Variants in NLRP4 observed in about 807,000 individuals in gnomAD.
NLRP4 encodes NLR family pyrin domain containing 4.
A neutral mutation model predicts 84.7 loss-of-function variants in NLRP4; 44 were observed. The observed-to-expected ratio is 0.52, with a 90% CI of 0.41 to 0.67. The LOEUF (loss-of-function observed/expected upper bound fraction) is 0.67, where lower values mean the gene tolerates loss of function less well. Ranked by LOEUF, NLRP4 falls within the 30% of genes least tolerant of loss-of-function variation. NLRP4 has a pLI of 0.00. For synonymous variants in NLRP4, 544 were observed against 476.4 expected, an observed-to-expected ratio of 1.14 and a Z score of -1.85; for missense variants, 1,260 against 1,219.4, an observed-to-expected ratio of 1.03 and a Z score of -0.50.
intron 5 of NLRP4, among the ~76,000 whole-genome samples, chr19:55,866,125 C>T (rs574850346): frequency 6.6e-6 from 1 of 152,146 alleles, no homozygotes; most frequent in Non-Finnish European, 1.5e-5. Flanking sequence ...CCTCCGCCTC[C>T]TGGGTTCAAG....
Position 55,870,773 on chromosome 19 carries a change from C to T in NLRP4, c.2355-54C>T, listed in dbSNP as rs184284582. On this transcript the variant is annotated intron_variant, in intron 6 of 9. Transcript: ENST00000301295. ...CCTGAATGTGAAATTAAGCAAATCT[C>T]CCTGAGACACCACGTCCCTCTTCAC... 2.9e-3 allele frequency: 3,829 copies of T among 1,314,564 alleles called. 2 individuals are homozygous for T. The highest frequency in any genetic ancestry group is 3.9e-3 in the Non-Finnish European group (3,545 of 913,178). 81.4% of individuals were successfully genotyped at this position (1,314,564 alleles called of 1,614,324 possible).
rs1985017438 is a variant in NLRP4, at chr19:55,867,768, A to C, written c.2246A>C (p.Asn749Thr). Residue 749 changes from asparagine (N) to threonine (T), a missense_variant, in exon 6 of 10, where the codon AAC becomes ACC. Coordinates refer to ENST00000301295, the MANE Select transcript of NLRP4 (RefSeq NM_134444.5). ...DCEVLAGLLT[N>T]NKKLTYLNVS... The stretch of plus-strand genomic sequence containing the variant: ...GAAGTCCTTGCTGGCCTTCTAACCA[A>C]CAACAAGAAGCTGACGTATCTGAAT... 1 of 1,614,024 alleles carries C rather than the reference A, an allele frequency of 6.2e-7. No individual in the cohort carries two copies. The highest frequency in any genetic ancestry group is 1.1e-5 in the South Asian group (1 of 91,088).
At position 55,878,870 on chromosome 19, in the gene NLRP4, C is replaced by T. The variant is rs755703519; in HGVS notation, c.2773C>T (p.Gln925Ter). The change falls in exon 9 of 10, where the codon CAG becomes TAG. Residue 925 changes from glutamine (Q) to a stop codon, truncating the protein, a stop_gained. Coordinates refer to ENST00000301295, the MANE Select transcript of NLRP4 (RefSeq NM_134444.5). LOFTEE classifies it high-confidence loss of function. ...SVLTCSKTLQQLNLTLNTLDH... is the reference protein window; with the variant it reads ...SVLTCSKTLQ The stretch of plus-strand genomic sequence containing the variant: ...TCTCACCTGCAGTAAGACCCTGCAG[C>T]AGCTCAACCTGACCTTGAACACCTT... 6 of 1,613,636 alleles carry T rather than the reference C, an allele frequency of 3.7e-6. No individual in the cohort carries two copies. In the South Asian group the frequency reaches 4.4e-5, roughly 12 times the overall value.
At position 55,881,749 on chromosome 19, in the gene NLRP4, T is replaced by C. The variant is rs1985602020; in HGVS notation, c.*162T>C. ...TTTGATATGATACACGTGGTTTTTA[T>C]GTGCTCTGTGGCCTTGGATGAGTCA... On this transcript the variant is annotated 3_prime_UTR_variant, in exon 10 of 10. Coordinates refer to ENST00000301295, the MANE Select transcript of NLRP4 (RefSeq NM_134444.5). The C allele has an allele frequency of 2.1e-6, 1 of 481,762 alleles. No individual in the cohort carries two copies. The highest frequency in any genetic ancestry group is 3.7e-5 in the South Asian group (1 of 27,170). 29.8% of individuals were successfully genotyped at this position (481,762 alleles called of 1,614,324 possible).
chr19:55,845,633 A>G (rs1983763953), intron 1 of NLRP4, among the ~76,000 whole-genome samples: 1 of 151,922 alleles, frequency 6.6e-6, no homozygotes, highest in Non-Finnish European at 1.5e-5. Flanking sequence ...ACTAGTTTAC[A>G]GTCCCACCAA....
At chr19:55,857,217 C>T (rs568734239) in intron 2 of NLRP4, among the ~76,000 whole-genome samples, 2 of 152,050 alleles carry the variant, frequency 1.3e-5, no homozygotes, top group South Asian at 4.2e-4. Context: ...GTGTATGTGT[C>T]TATTGAAAGC....
rs966920814 is a variant in NLRP4 at position 55,836,905 on chromosome 19, G to A, written c.-95G>A. 4 of 151,814 alleles carry A rather than the reference G, an allele frequency of 2.6e-5. No individual in the cohort carries two copies. The highest frequency in any genetic ancestry group is 9.7e-5 in the African/African-American group (4 of 41,258). 9.4% of individuals were successfully genotyped at this position (151,814 alleles called of 1,614,324 possible). A position where few individuals can be genotyped will look rare whatever the true frequency, so the allele number is the denominator to read the frequency against. ...CATCTCTGTTGACACAAACATGTAG[G>A]AGAAGCTGGAGAACATAGACAGGGA... On this transcript the variant is annotated 5_prime_UTR_variant, in exon 1 of 10. Transcript: ENST00000301295.
intron 2 of NLRP4, chr19:55,857,398 A>C: frequency 2.1e-6 from 1 of 475,208 alleles, no homozygotes. Context: ...TGTGTAGAGG[A>C]CCATATGGTT....
At chr19:55,849,192 A>C (rs1983921035) in intron 1 of NLRP4, among the ~76,000 whole-genome samples, 1 of 152,184 alleles carries the variant, frequency 6.6e-6, no homozygotes, top group Admixed American at 6.5e-5. Flanking sequence ...TTCTTGCTAA[A>C]GTTGTTACAG....
At chr19:55,838,619 G>A (rs941609892) in intron 1 of NLRP4, among the ~76,000 whole-genome samples, 1 of 152,074 alleles carries the variant, frequency 6.6e-6, no homozygotes, top group African/African-American at 2.4e-5. Context: ...TTTACACTTA[G>A]AGAACAGCTT....
Position 55,877,065 on chromosome 19 carries a change from C to G in NLRP4, c.2595C>G (p.Asn865Lys). ...DLASALISNQ[N>K]LKILQIGCNE... is the part of the protein sequence containing the mutation. ...CCTCTGCTCTCATCAGCAATCAAAA[C>G]CTGAAGATTCTGCAAATTGGGTGCA... Residue 865 changes from asparagine (N) to lysine (K), a missense_variant, in exon 8 of 10, where the codon AAC (asparagine) becomes AAG (lysine). Asn to Lys is a moderately conservative substitution (Grantham distance 94, BLOSUM62 0). Coordinates refer to ENST00000301295, the MANE Select transcript of NLRP4 (RefSeq NM_134444.5). The G allele has an allele frequency of 6.2e-7, 1 of 1,614,034 alleles. No homozygotes were observed. Among genetic ancestry groups the G allele is most frequent in the Non-Finnish European group, 8.5e-7 (1 of 1,179,974 alleles).
intron 6 of NLRP4, among the ~76,000 whole-genome samples, chr19:55,869,144 G>T (rs302434): frequency 1.3e-5 from 2 of 151,878 alleles, no homozygotes; most frequent in African/African-American, 4.8e-5. Context: ...GGGGAACCCA[G>T]ATGGAAGTTG....
Position 55,862,094 on chromosome 19 carries a change from T to C in NLRP4, c.2121T>C (p.Ser707=), listed in dbSNP as rs1488447820. The change falls in exon 5 of 10, where the codon TCT becomes TCC. Residue 707 remains serine, a synonymous_variant. Transcript: ENST00000301295. ...TGAGCTTCACCCTCACGAAACTCTCTCGTGATGACATCAGGTCCCTCTGTG... is the reference window on the plus strand; with the variant it reads ...TGAGCTTCACCCTCACGAAACTCTCCCGTGATGACATCAGGTCCCTCTGTG... ...KYLSFTLTKL[S]RDDIRSLCDA... 6.2e-7 allele frequency: 1 copy of C among 1,613,678 alleles called. No homozygotes were observed. The highest frequency in any genetic ancestry group is 1.7e-5 in the Admixed American group (1 of 60,014).
At chr19:55,843,235 A>C (rs1983680004) in intron 1 of NLRP4, among the ~76,000 whole-genome samples, 2 of 150,422 alleles carry the variant, frequency 1.3e-5, no homozygotes, top group African/African-American at 2.5e-5. Flanking sequence ...CCTTACCCCC[A>C]CTCTGGAATG....
At chr19:55,863,014 G>T (rs1984822618) in intron 5 of NLRP4, among the ~76,000 whole-genome samples, 1 of 152,202 alleles carries the variant, frequency 6.6e-6, no homozygotes, top group Non-Finnish European at 1.5e-5. Flanking sequence ...ACCTGTCTCA[G>T]TTTGCTGAAA....
At chr19:55,846,923 G>A (rs984863063) in intron 1 of NLRP4, among the ~76,000 whole-genome samples, 4 of 151,964 alleles carry the variant, frequency 2.6e-5, no homozygotes, top group Non-Finnish European at 5.9e-5. Flanking sequence ...CCTAATTTTT[G>A]TGGGTTTTAT....
At chr19:55,840,309 C>T (rs547621779) in intron 1 of NLRP4, among the ~76,000 whole-genome samples, 2 of 149,922 alleles carry the variant, frequency 1.3e-5, no homozygotes, top group East Asian at 1.9e-4. Flanking sequence ...TGACCATTGT[C>T]GGGGGTGTGT....
chr19:55,841,440 G>A (rs1490691557), intron 1 of NLRP4, among the ~76,000 whole-genome samples: 2 of 152,144 alleles, frequency 1.3e-5, no homozygotes, highest in Non-Finnish European at 2.9e-5. Flanking sequence ...CATCCAGGTT[G>A]CCACAAATGG....
rs1984597248 is a variant in NLRP4, at chr19:55,858,960, C to A, written c.1567C>A (p.Leu523Met). 1 of 1,614,032 alleles carries A rather than the reference C, an allele frequency of 6.2e-7. No individual in the cohort carries two copies. The highest frequency in any genetic ancestry group is 1.3e-5 in the African/African-American group (1 of 74,908). The change falls in exon 3 of 10, where the codon CTG becomes ATG. Residue 523 changes from leucine (L) to methionine (M), a missense_variant. Around this residue, in one of 3 missense-constraint regions of NLRP4, gnomAD observed 712 missense variants for 669.2 expected, o/e 1.06. Coordinates refer to ENST00000301295, the MANE Select transcript of NLRP4 (RefSeq NM_134444.5). The surrounding 1 kb of genome is among the most constrained non-coding windows in gnomAD (Gnocchi z 4.2). The stretch of plus-strand genomic sequence containing the variant: ...ACTGGATGCGTTTTTTGGCTTCCAA[C>A]TGTCCCAAGAGATAAAGCAGCAAAT... Reference protein sequence around the residue: ...EKLDAFFGFQLSQEIKQQIHQ... With the variant: ...EKLDAFFGFQMSQEIKQQIHQ...
Sources: gnomAD v4.1 joint callset for allele counts (sites outside exome capture counted in the v4.1 genomes callset) on GRCh38, gnomAD v4.1.1 for gene constraint, gnomAD v4.1.1 regional missense constraint, Gnocchi (gnomAD v3.1) non-coding constraint, MANE v1.5 for transcripts, NCBI Gene and HGNC (gene_info 2026-07-23, HGNC 2026-07-21) for gene names.